The following EBF1 variants were observed in gnomAD, a reference collection of about 807,000 sequenced individuals.
The protein encoded by EBF1 is transcription factor COE1.
In EBF1, 10 loss-of-function variants were observed where a neutral mutation model predicts 68.4. The ratio of observed to expected loss-of-function variants is 0.15; its 90% confidence interval spans 0.09 to 0.25. EBF1 has a LOEUF of 0.25. Among genes scored for constraint, EBF1 ranks in the 10% least tolerant of loss-of-function variants. EBF1 has a pLI of 1.00. For synonymous variants in EBF1, 298 were observed against 299.8 expected (o/e 0.99, Z 0.06); for missense variants, 509 against 794.4 (o/e 0.64, Z 4.32).
intron 6 of EBF1, among the ~76,000 whole-genome samples, chr5:158,876,122 T>G (rs1797766630): frequency 6.6e-6 from 1 of 152,156 alleles, no homozygotes; most frequent in South Asian, 2.1e-4. Context: ...CGGTATCACA[T>G]GACTAGTTGA....
intron 6 of EBF1, among the ~76,000 whole-genome samples, chr5:159,052,141 A>G (rs1773866493): frequency 6.6e-6 from 1 of 152,166 alleles, no homozygotes; most frequent in Non-Finnish European, 1.5e-5. Context: ...GAAAGGTGCA[A>G]TAGGAACTAA....
At chr5:159,006,351 C>T (rs1217723152) in intron 6 of EBF1, among the ~76,000 whole-genome samples, 1 of 151,952 alleles carries the variant, frequency 6.6e-6, no homozygotes, top group Non-Finnish European at 1.5e-5. Flanking sequence ...ACCATGAGTC[C>T]TTCACCCTTA....
At chr5:158,726,219 G>C (rs1762954811) in intron 11 of EBF1, among the ~76,000 whole-genome samples, 2 of 150,890 alleles carry the variant, frequency 1.3e-5, no homozygotes, top group African/African-American at 5.0e-5. Context: ...TACCAACATA[G>C]AGATGGATAG....
intron 10 of EBF1, among the ~76,000 whole-genome samples, chr5:158,741,439 G>A (rs191283818): frequency 6.6e-6 from 1 of 152,130 alleles, no homozygotes; most frequent in East Asian, 1.9e-4. Flanking sequence ...GCCAAGCATG[G>A]TGGTATATGA....
At chr5:158,982,981 C>A (rs933091554) in intron 6 of EBF1, 2 of 152,178 alleles carry the variant, frequency 1.3e-5, no homozygotes, top group African/African-American at 4.8e-5. Context: ...GGATCTGCCG[C>A]CCCTGGCACC....
chr5:158,787,152 A>C (rs1423651863), intron 9 of EBF1, among the ~76,000 whole-genome samples: 1 of 152,222 alleles, frequency 6.6e-6, no homozygotes, highest in Non-Finnish European at 1.5e-5. Context: ...CTTCTGCTGA[A>C]AGTCTTTCAA....
At chr5:158,745,551 CATT>C (rs1166424738) in intron 10 of EBF1, among the ~76,000 whole-genome samples, 4 of 152,168 alleles carry the variant, frequency 2.6e-5, no homozygotes, top group African/African-American at 4.8e-5. Context: ...GAATTTATCT[CATT>C]AGTGCCTACA....
intron 6 of EBF1, among the ~76,000 whole-genome samples, chr5:158,861,329 C>T (rs1344958103): frequency 6.6e-6 from 1 of 152,190 alleles, no homozygotes; most frequent in Non-Finnish European, 1.5e-5. Flanking sequence ...ACAGCAGTAA[C>T]CGAATGTACA....
At chr5:158,950,301 C>A (rs1326012823) in intron 6 of EBF1, among the ~76,000 whole-genome samples, 1 of 152,206 alleles carries the variant, frequency 6.6e-6, no homozygotes, top group Non-Finnish European at 1.5e-5. Context: ...AGAAAAGGTG[C>A]TCAAGGTAGG....
intron 6 of EBF1, among the ~76,000 whole-genome samples, chr5:158,861,841 G>T (rs1272352921): frequency 7.4e-6 from 1 of 134,664 alleles, no homozygotes; most frequent in Non-Finnish European, 1.6e-5. Context: ...TTGATTTATT[G>T]TAAAAAAAAA....
chr5:158,996,345 C>G (rs1427157944), intron 6 of EBF1, among the ~76,000 whole-genome samples: 1 of 152,240 alleles, frequency 6.6e-6, no homozygotes, highest in Non-Finnish European at 1.5e-5. Flanking sequence ...GGCTTTGCTA[C>G]AATTTTCTCT....
intron 15 of EBF1, among the ~76,000 whole-genome samples, chr5:158,704,922 A>G (rs1392148402): frequency 1.3e-5 from 2 of 152,242 alleles, no homozygotes; most frequent in African/African-American, 4.8e-5. Flanking sequence ...CTCCATCCGT[A>G]TGTCCATCAC....
chr5:158,984,869 G>A (rs1285587410), intron 6 of EBF1: 7 of 151,766 alleles, frequency 4.6e-5, no homozygotes, highest in Non-Finnish European at 1.0e-4. Context: ...ATTTTTAGTA[G>A]AGATGGGTTT....
intron 6 of EBF1, among the ~76,000 whole-genome samples, chr5:158,991,747 C>A (rs1168444686): frequency 6.6e-6 from 1 of 152,172 alleles, no homozygotes; most frequent in Non-Finnish European, 1.5e-5. Flanking sequence ...GGAGGAAATG[C>A]ACCCTTTTCA....
intron 10 of EBF1, among the ~76,000 whole-genome samples, chr5:158,731,768 C>T (rs1764141600): frequency 6.6e-6 from 1 of 152,124 alleles, no homozygotes; most frequent in Non-Finnish European, 1.5e-5. Flanking sequence ...ATGATAGATC[C>T]TTTCACCAAC....
At chr5:158,704,626 TTTC>T (rs1349740084) in intron 15 of EBF1, among the ~76,000 whole-genome samples, 7 of 151,728 alleles carry the variant, frequency 4.6e-5, no homozygotes, top group African/African-American at 1.5e-4. Flanking sequence ...TCATCCTTTT[TTTC>T]TTTTTTTTTT....
At chr5:158,728,583 G>A (rs866125474) in intron 11 of EBF1, among the ~76,000 whole-genome samples, 26 of 152,178 alleles carry the variant, frequency 1.7e-4, no homozygotes, top group Middle Eastern at 3.4e-3. Flanking sequence ...TTTTCTTTGA[G>A]ACAGGGTCTT....
Position 158,737,947 on chromosome 5 carries a change from A to C in EBF1, c.1037-6790T>G, listed in dbSNP as rs1314616876. On this transcript the variant is annotated intron_variant, in intron 10 of 15. Transcript: ENST00000313708. ...AAAGCCATCAAGAAGAGGAACAAAG[A>C]ATTAAGAGACTTGCTTTTGTTTTTC... is the stretch of plus-strand genomic sequence containing the variant. Among the ~76,000 whole-genome samples, 3 of 152,200 alleles carry C rather than the reference A, an allele frequency of 2.0e-5. No individual in the cohort carries two copies. The East Asian group carries it at 5.8e-4, about 29-fold the overall frequency.
At chr5:158,701,556 G>A (rs532412440) in intron 15 of EBF1, among the ~76,000 whole-genome samples, 5 of 152,268 alleles carry the variant, frequency 3.3e-5, no homozygotes, top group South Asian at 4.1e-4. Flanking sequence ...CCCAGGCTGC[G>A]AACAGCAGTG....
Sources: allele counts gnomAD v4.1 joint callset (sites outside exome capture counted in the v4.1 genomes callset), GRCh38; gene constraint gnomAD v4.1.1; transcripts MANE v1.5; gene names NCBI Gene and HGNC (gene_info 2026-07-23, HGNC 2026-07-21).